The following ATP8B1 variants were observed in gnomAD, a reference collection of about 807,000 sequenced individuals.
The protein encoded by ATP8B1 is phospholipid-transporting ATPase IC.
ATP8B1 carries 80 observed loss-of-function variants against 149.9 expected under a neutral mutation model. The ratio of observed to expected loss-of-function variants is 0.53; its 90% CI spans 0.45 to 0.64. The LOEUF is 0.64. ATP8B1 is among the 30% of genes least tolerant of loss of function. ATP8B1 has a pLI of 0.00. For missense variants in ATP8B1, 1,247 were observed against 1,552.6 expected (o/e 0.80, Z 3.31); for synonymous variants, 536 against 562.8 (o/e 0.95, Z 0.67).
intron 15 of ATP8B1, among the ~76,000 whole-genome samples, chr18:57,680,738 C>T (rs1466142131): frequency 1.3e-5 from 2 of 151,918 alleles, no homozygotes; most frequent in Non-Finnish European, 2.9e-5. Context: ...GCTTTGTTAT[C>T]CTTCCCAAAG....
chr18:57,771,267 AT>A (rs1323474910), intron 1 of ATP8B1, among the ~76,000 whole-genome samples: 1 of 152,236 alleles, frequency 6.6e-6, no homozygotes, highest in Non-Finnish European at 1.5e-5. Context: ...TAAAATCAAA[AT>A]GGAGCTGTTT....
At chr18:57,654,468 G>A (rs1032562164) in intron 23 of ATP8B1, among the ~76,000 whole-genome samples, 5 of 151,784 alleles carry the variant, frequency 3.3e-5, no homozygotes, top group African/African-American at 7.3e-5. Flanking sequence ...ACAGGCACAC[G>A]CCACCATGTC....
intron 1 of ATP8B1, among the ~76,000 whole-genome samples, chr18:57,787,382 A>G (rs1452548413): frequency 1.3e-5 from 2 of 151,852 alleles, no homozygotes; most frequent in African/African-American, 4.8e-5. Flanking sequence ...GAGCACTGCG[A>G]GAGGAGCTCC....
intron 1 of ATP8B1, among the ~76,000 whole-genome samples, chr18:57,764,773 A>C (rs1375589798): frequency 2.0e-5 from 3 of 151,970 alleles, no homozygotes; most frequent in Non-Finnish European, 4.4e-5. Flanking sequence ...AAAAAAAAAA[A>C]AAAAAAACAG....
At position 57,652,501 on chromosome 18, in the gene ATP8B1, T is replaced by C. The variant is rs183371188; in HGVS notation, c.3244A>G (p.Ile1082Val). 8.7e-6 allele frequency: 14 copies of C among 1,614,186 alleles called. No individual in the cohort carries two copies. Among genetic ancestry groups the C allele is most frequent in the African/African-American group, 4.0e-5 (3 of 75,054 alleles). The change falls in exon 25 of 28, where the codon ATA becomes GTA. Residue 1082 changes from isoleucine to valine, a missense_variant. Coordinates refer to ENST00000648908, the MANE Select transcript of ATP8B1 (RefSeq NM_001374385.1). The part of the protein sequence containing the change: ...FAVTIASALV[I>V]TVNFQIGLDT... ...CCACGTACCTGGAAATTGACTGTTA[T>C]TACAAGAGCAGAGGCAATGGTGACG...
chr18:57,716,575 TAAG>T (rs150826620), intron 2 of ATP8B1, among the ~76,000 whole-genome samples: 3,779 of 152,256 alleles, frequency 0.025, 70 homozygotes, highest in Non-Finnish European at 0.036. Flanking sequence ...GACAAAACTA[TAAG>T]AAGAGACAAA....
rs79009229 is a variant in ATP8B1, at chr18:57,782,803, C to CTTTTTTTTTTTTTTTTT, written c.-26+20178_-26+20194dup. On this transcript the variant is annotated intron_variant, in intron 1 of 27. Transcript: ENST00000648908. ...GGCTCAGATTAATTCTAGTTTGTCTCTTTTTTTTTTTTTTTTTTTTTTTTT... is the reference window on the plus strand; with the variant it reads ...GGCTCAGATTAATTCTAGTTTGTCTCTTTTTTTTTTTTTTTTTTTTTTTTTTTTTTTTTTTTTTTTTT... 3.5e-4 allele frequency among the ~76,000 whole-genome samples: 32 copies of CTTTTTTTTTTTTTTTTT among 91,154 alleles called. 5 individuals are homozygous for CTTTTTTTTTTTTTTTTT. The highest frequency in any genetic ancestry group is 3.1e-3 in the East Asian group (5 of 1,604). The allele number at this position is 91,154 out of a possible 152,430, so 59.8% of individuals were successfully genotyped here.
intron 24 of ATP8B1, among the ~76,000 whole-genome samples, chr18:57,653,282 C>CTTTTTTTTTTTTT (rs199543849): frequency 4.4e-5 from 5 of 114,464 alleles, no homozygotes; most frequent in Admixed American, 1.0e-4. Flanking sequence ...CTTTTCTTTT[C>CTTTTTTTTTTTTT]TTTTTTTTTT....
chr18:57,678,164 A>T (rs1379067929), intron 15 of ATP8B1, among the ~76,000 whole-genome samples: 2 of 152,200 alleles, frequency 1.3e-5, no homozygotes, highest in Non-Finnish European at 2.9e-5. Context: ...AAATTAACTC[A>T]GGAACAGAAG....
In ATP8B1 at chr18:57,704,585, A is replaced by G; in HGVS notation, c.363T>C (p.Asn121=). ...AGATAAGAAGAGCCAGGAAATATAA[A>G]TTGGCTGCTCTCTTAAACTGCTCAA... The part of the protein sequence containing the change: ...NLFEQFKRAA[N]LYFLALLILQ... The change falls in exon 4 of 28, where the codon AAT becomes AAC. Residue 121 remains asparagine, a synonymous_variant. Transcript: ENST00000648908. 1 of 1,606,970 alleles carries G rather than the reference A, an allele frequency of 6.2e-7. No homozygotes were observed. The highest frequency in any genetic ancestry group is 8.5e-7 in the Non-Finnish European group (1 of 1,173,500).
At chr18:57,668,362 G>A in intron 19 of ATP8B1, 67 bp downstream of exon 19, 1 of 1,448,006 alleles carries the variant, frequency 6.9e-7, no homozygotes, top group Non-Finnish European at 9.7e-7. Flanking sequence ...GGTCATCTTG[G>A]GCAAAGGAAA....
chr18:57,779,256 A>G (rs1169670119), intron 1 of ATP8B1, among the ~76,000 whole-genome samples: 1 of 152,098 alleles, frequency 6.6e-6, no homozygotes, highest in Non-Finnish European at 1.5e-5. Flanking sequence ...TCGAGGCTAC[A>G]GTGAGCTGTT....
At chr18:57,679,788 C>A (rs1911836255) in intron 15 of ATP8B1, among the ~76,000 whole-genome samples, 2 of 152,120 alleles carry the variant, frequency 1.3e-5, no homozygotes, top group African/African-American at 4.8e-5. Context: ...TCTCAGCCTC[C>A]CAAGTAGCTG....
At chr18:57,780,999 CAG>C (rs1337570817) in intron 1 of ATP8B1, among the ~76,000 whole-genome samples, 5 of 152,222 alleles carry the variant, frequency 3.3e-5, no homozygotes, top group Admixed American at 6.5e-5. Flanking sequence ...GCTGCTCAAA[CAG>C]AGCTGTGTTT....
In ATP8B1 at chr18:57,802,782, G is replaced by T. The variant is rs781700745; in HGVS notation, c.-26+216C>A. Among the ~76,000 whole-genome samples, 2 of 152,162 alleles carry T rather than the reference G, an allele frequency of 1.3e-5. No individual in the cohort carries two copies. Among genetic ancestry groups the T allele is most frequent in the African/African-American group, 4.8e-5 (2 of 41,450 alleles). The stretch of plus-strand genomic sequence containing the variant: ...TCTCCGCAGCGCTGCCTGCCCAGCC[G>T]GCCGTGTCTCGCCGTCCCCGAGGCC... On this transcript the variant is annotated intron_variant, in intron 1 of 27. Transcript: ENST00000648908. This position sits in a 1 kb window ranked among gnomAD's most constrained non-coding sequence, Gnocchi z 4.9.
chr18:57,652,529 A>C lies in ATP8B1; in HGVS notation c.3216T>G (p.Phe1072Leu). The change falls in exon 25 of 28, where the codon TTT becomes TTG. Residue 1072 changes from phenylalanine (F) to leucine (L), a missense_variant. Transcript: ENST00000648908. ...DGEAPSDYQSFAVTIASALVI... is the reference protein window; with the variant it reads ...DGEAPSDYQSLAVTIASALVI... ...CAAGAGCAGAGGCAATGGTGACGGC[A>C]AAAGACTGGTAGTCGGAAGGTGCCT... 1 of 1,614,238 alleles carries C rather than the reference A, an allele frequency of 6.2e-7. No individual in the cohort carries two copies. Among genetic ancestry groups the C allele is most frequent in the Non-Finnish European group, 8.5e-7 (1 of 1,180,048 alleles).
At chr18:57,767,715 G>A (rs2080225539) in intron 1 of ATP8B1, among the ~76,000 whole-genome samples, 1 of 152,046 alleles carries the variant, frequency 6.6e-6, no homozygotes, top group South Asian at 2.1e-4. Context: ...CTTGAACCCA[G>A]GAGGCAGAGG....
At position 57,784,455 on chromosome 18, in the gene ATP8B1, G is replaced by A. The variant is rs1243235108; in HGVS notation, c.-26+18543C>T. ...ATGGCAGCGGAGATAGAGGTTATCA[G>A]GTGGAGTCAAGGTCTTCCAGAGGTA... On this transcript the variant is annotated intron_variant, in intron 1 of 27. Coordinates refer to ENST00000648908, the MANE Select transcript of ATP8B1 (RefSeq NM_001374385.1). This position sits in a 1 kb window ranked among gnomAD's most constrained non-coding sequence, Gnocchi z 4.4. Among the ~76,000 whole-genome samples the A allele has an allele frequency of 6.6e-6, 1 of 152,150 alleles. No individual in the cohort carries two copies. The highest frequency in any genetic ancestry group is 1.5e-5 in the Non-Finnish European group (1 of 68,022).
At chr18:57,684,683 C>G (rs1329579646) in intron 14 of ATP8B1, among the ~76,000 whole-genome samples, 1 of 152,212 alleles carries the variant, frequency 6.6e-6, no homozygotes, top group Non-Finnish European at 1.5e-5. Flanking sequence ...AAACTATGTT[C>G]CCCCAAAAGA....
Sources: allele counts gnomAD v4.1 joint callset (sites outside exome capture counted in the v4.1 genomes callset), GRCh38; gene constraint gnomAD v4.1.1; non-coding constraint Gnocchi (gnomAD v3.1); transcripts MANE v1.5; gene names NCBI Gene and HGNC (gene_info 2026-07-23, HGNC 2026-07-21).